TENM4: variants seen among roughly 807,000 people sequenced by gnomAD.
TENM4 encodes the protein teneurin transmembrane protein 4, also known as teneurin-4.
TENM4 carries 82 observed loss-of-function variants against 243.3 expected under a neutral mutation model. The ratio of observed to expected loss-of-function variants is 0.34; its 90% CI spans 0.28 to 0.40. TENM4 has a LOEUF of 0.40. TENM4 is among the 10% of genes least tolerant of loss of function. TENM4 has a pLI of 1.00. For missense variants in TENM4, 3,138 were observed against 3,673.3 expected (o/e 0.85, Z 3.77); for synonymous variants, 1,412 against 1,456.3 (o/e 0.97, Z 0.69).
chr11:78,848,024 C>G (rs1858442654), intron 12 of TENM4, among the ~76,000 whole-genome samples: 1 of 152,120 alleles, frequency 6.6e-6, no homozygotes, highest in Non-Finnish European at 1.5e-5. Context: ...AAGATAGGAA[C>G]TTAGGTGAAG....
At chr11:79,354,712 T>C (rs2135483170) in intron 1 of TENM4, among the ~76,000 whole-genome samples, 1 of 152,278 alleles carries the variant, frequency 6.6e-6, no homozygotes, top group South Asian at 2.1e-4. Context: ...ATCCATCCCT[T>C]TTCTGATTAT....
chr11:79,271,046 G>A (rs992798531), intron 2 of TENM4, among the ~76,000 whole-genome samples: 1 of 152,136 alleles, frequency 6.6e-6, no homozygotes, highest in Non-Finnish European at 1.5e-5. Flanking sequence ...GTCTGCTGGG[G>A]AAATTGATGA....
At chr11:78,672,456 G>A in intron 30 of TENM4, 127 bp from the exon 31 acceptor site, 1 of 965,822 alleles carries the variant, frequency 1.0e-6, no homozygotes, top group Non-Finnish European at 1.5e-6. Context: ...GTCCTGCGCA[G>A]CAACAGACAT....
intron 2 of TENM4, among the ~76,000 whole-genome samples, chr11:79,238,153 T>C (rs1162582693): frequency 1.3e-5 from 2 of 152,208 alleles, no homozygotes; most frequent in African/African-American, 4.8e-5. Context: ...GAGTGCTGTC[T>C]GAATTGTATT....
chr11:79,236,468 T>G (rs186806701), intron 2 of TENM4, among the ~76,000 whole-genome samples: 1 of 152,198 alleles, frequency 6.6e-6, no homozygotes, highest in Non-Finnish European at 1.5e-5. Flanking sequence ...CATCATTTCA[T>G]GCTTTTGAAG....
intron 4 of TENM4, among the ~76,000 whole-genome samples, chr11:79,124,135 C>G (rs1239365386): frequency 2.6e-5 from 4 of 152,204 alleles, no homozygotes; most frequent in African/African-American, 9.6e-5. Flanking sequence ...TCCTGCATCT[C>G]TGCCAAGCTC....
At chr11:79,038,201 T>C (rs944177145) in intron 6 of TENM4, among the ~76,000 whole-genome samples, 1 of 152,218 alleles carries the variant, frequency 6.6e-6, no homozygotes, top group African/African-American at 2.4e-5. Flanking sequence ...GGTGAATGAA[T>C]GGATACATGG....
chr11:79,064,630 T>C (rs1418793680), intron 6 of TENM4, 108 bp downstream of exon 6: 2 of 1,437,688 alleles, frequency 1.4e-6, no homozygotes, highest in Non-Finnish European at 1.9e-6. Context: ...AAAGCAATTT[T>C]TCACCAACTT....
intron 26 of TENM4, among the ~76,000 whole-genome samples, chr11:78,711,663 G>C (rs1400007516): frequency 6.6e-6 from 1 of 152,158 alleles, no homozygotes; most frequent in Non-Finnish European, 1.5e-5. Context: ...CTGGGGCTGA[G>C]ACACTGTAAA....
chr11:78,669,113 G>C lies in TENM4; in HGVS notation c.7232C>G (p.Thr2411Ser). 1 of 1,613,798 alleles carries C rather than the reference G, an allele frequency of 6.2e-7. No homozygotes were observed. The highest frequency in any genetic ancestry group is 8.5e-7 in the Non-Finnish European group (1 of 1,179,792). ...GYHGGLYDPL[T>S]KLVHMGRRDY... ...TCGCCGGCCCATGTGGACAAGCTTG[G>C]TGAGTGGATCATAGAGGCCACCATG... is the stretch of plus-strand genomic sequence containing the variant. The change falls in exon 32 of 34, where the codon ACC becomes AGC. Residue 2411 changes from threonine to serine, a missense_variant. By Grantham distance (58) the Thr-to-Ser change is moderately conservative. Transcript: ENST00000278550. The surrounding 1 kb of genome is among the most constrained non-coding windows in gnomAD (Gnocchi z 6.4).
intron 1 of TENM4, among the ~76,000 whole-genome samples, chr11:79,407,877 C>G (rs1353317452): frequency 6.6e-6 from 1 of 151,722 alleles, no homozygotes; most frequent in Non-Finnish European, 1.5e-5. Flanking sequence ...TAGGGTGGAA[C>G]CTGAAGATTT....
chr11:78,760,378 T>A (rs574344854), intron 18 of TENM4, among the ~76,000 whole-genome samples: 1 of 152,370 alleles, frequency 6.6e-6, no homozygotes, highest in South Asian at 2.1e-4. Flanking sequence ...ATGCAAACTG[T>A]GTGACTTGGT....
intron 6 of TENM4, among the ~76,000 whole-genome samples, chr11:79,031,840 A>G (rs567393893): frequency 2.6e-5 from 4 of 152,208 alleles, no homozygotes; most frequent in Non-Finnish European, 5.9e-5. Flanking sequence ...AGGGGGTCAT[A>G]GAGCAATGTT....
At position 79,181,622 on chromosome 11, in the gene TENM4, GGT is replaced by G. The variant is rs527919749; in HGVS notation, c.-162-32818_-162-32817del. On this transcript the variant is annotated intron_variant, in intron 3 of 33. Coordinates refer to ENST00000278550, the MANE Select transcript of TENM4 (RefSeq NM_001098816.3). ...AATAAGACAAGAAAAGGAAATAAAA[GGT>G]ATATAGATTGGGAAGAAAGAAATAA... Among the ~76,000 whole-genome samples, 547 of 150,992 alleles carry G rather than the reference GGT, an allele frequency of 3.6e-3. 6 individuals carry two copies. Among genetic ancestry groups the G allele is most frequent in the African/African-American group, 0.013 (527 of 41,130 alleles).
At chr11:78,913,074 C>T (rs1856227731) in intron 6 of TENM4, among the ~76,000 whole-genome samples, 1 of 152,176 alleles carries the variant, frequency 6.6e-6, no homozygotes, top group Non-Finnish European at 1.5e-5. Context: ...TGAACCTGTA[C>T]TTGTTAATGA....
At chr11:79,047,847 A>T (rs1859696628) in intron 6 of TENM4, among the ~76,000 whole-genome samples, 1 of 152,218 alleles carries the variant, frequency 6.6e-6, no homozygotes, top group South Asian at 2.1e-4. Flanking sequence ...AGGAGAATGA[A>T]ATGAGATAGT....
intron 12 of TENM4, among the ~76,000 whole-genome samples, chr11:78,840,741 T>C (rs1377813584): frequency 6.6e-6 from 1 of 151,968 alleles, no homozygotes. Context: ...CAGTGTTGTA[T>C]GAAAGGAAAC....
At chr11:79,129,760 T>C (rs1225359325) in intron 4 of TENM4, among the ~76,000 whole-genome samples, 1 of 152,016 alleles carries the variant, frequency 6.6e-6, no homozygotes, top group Non-Finnish European at 1.5e-5. Context: ...AGCTCAGACA[T>C]GCCTAGCCCT....
intron 2 of TENM4, among the ~76,000 whole-genome samples, chr11:79,245,841 G>A (rs1488437455): frequency 1.3e-5 from 2 of 148,952 alleles, no homozygotes; most frequent in African/African-American, 5.0e-5. Flanking sequence ...TCGGGAGGTT[G>A]AGACAGGAGA....
Sources: allele counts gnomAD v4.1 joint callset (sites outside exome capture counted in the v4.1 genomes callset), GRCh38; gene constraint gnomAD v4.1.1; non-coding constraint Gnocchi (gnomAD v3.1); transcripts MANE v1.5; gene names NCBI Gene and HGNC (gene_info 2026-07-23, HGNC 2026-07-21).